GAS7: variants seen among roughly 807,000 people sequenced by gnomAD.
GAS7 encodes the protein growth arrest-specific protein 7.
Under a neutral mutation model 71.1 loss-of-function variants are expected in GAS7, and 28 were observed. The observed-to-expected ratio is 0.39, with a 90% CI of 0.29 to 0.54. GAS7 has a LOEUF of 0.54. Ranked by LOEUF, GAS7 falls within the 20% of genes least tolerant of loss-of-function variation. The pLI, the probability that GAS7 is intolerant of heterozygous loss-of-function variation, is 0.62. For synonymous variants in GAS7, 258 were observed against 245.8 expected (o/e 1.05, Z -0.46); for missense variants, 436 against 627.8 (o/e 0.69, Z 3.27).
At chr17:9,982,814 AG>A (rs1463162745) in intron 2 of GAS7, among the ~76,000 whole-genome samples, 2,200 of 53,758 alleles carry the variant, frequency 0.041, 68 homozygotes, top group African/African-American at 0.2. Flanking sequence ...AAGGAAAGAA[AG>A]GAAAGAAAGG....
chr17:10,060,256 C>G (rs1453254722), intron 1 of GAS7, among the ~76,000 whole-genome samples: 2 of 152,206 alleles, frequency 1.3e-5, no homozygotes, highest in East Asian at 3.8e-4. Flanking sequence ...AACGAAGAGT[C>G]GAGAGGCCAC....
chr17:9,939,380 G>A (rs918839555), intron 8 of GAS7, among the ~76,000 whole-genome samples: 8 of 152,138 alleles, frequency 5.3e-5, no homozygotes, highest in South Asian at 2.1e-4. Flanking sequence ...CAGCATTAGC[G>A]GGAAGGGAGC....
At chr17:10,125,722 A>C (rs2073940779) in intron 1 of GAS7, among the ~76,000 whole-genome samples, 1 of 151,480 alleles carries the variant, frequency 6.6e-6, no homozygotes, top group East Asian at 1.9e-4. Context: ...TGTGGGTGGG[A>C]GCCACTGGCC....
rs2072965450 is a variant in GAS7 at position 10,046,743 on chromosome 17, A to G, written c.184-26846T>C. 3.5e-5 allele frequency among the ~76,000 whole-genome samples: 5 copies of G among 141,522 alleles called. No homozygotes were observed. In the South Asian group the frequency reaches 1.1e-3, roughly 30 times the overall value. 92.8% of individuals were successfully genotyped at this position (141,522 alleles called of 152,430 possible). ...AGAGCAAGACTCTGTCTCAAAAAAA[A>G]AAAAAGAAAAGAAAAGAAAGAAAGA... On this transcript the variant is annotated intron_variant, in intron 1 of 13. Coordinates refer to ENST00000432992, the MANE Select transcript of GAS7 (RefSeq NM_201433.2).
At chr17:9,938,797 T>C (rs2068494169) in intron 8 of GAS7, among the ~76,000 whole-genome samples, 2 of 152,198 alleles carry the variant, frequency 1.3e-5, no homozygotes, top group Admixed American at 6.5e-5. Flanking sequence ...CCCCAGCCCC[T>C]GGCAAATGAC....
intron 2 of GAS7, among the ~76,000 whole-genome samples, chr17:10,015,722 T>A (rs1439761749): frequency 6.6e-6 from 1 of 152,180 alleles, no homozygotes; most frequent in East Asian, 1.9e-4. Context: ...AAATTATTAA[T>A]ATGATGTTCA....
intron 1 of GAS7, among the ~76,000 whole-genome samples, chr17:10,122,606 A>C (rs939873965): frequency 1.3e-5 from 2 of 152,200 alleles, no homozygotes; most frequent in South Asian, 4.1e-4. Context: ...GCCTACCCCC[A>C]CTTGTGGTGA....
chr17:9,943,291 G>A, intron 6 of GAS7, 55 bp from the exon 7 acceptor site: 1 of 1,024,872 alleles, frequency 9.8e-7, no homozygotes, highest in Non-Finnish European at 1.6e-6. Flanking sequence ...CTGGAGCCAG[G>A]GAGAATGGCG....
At position 10,158,155 on chromosome 17, in the gene GAS7, C is replaced by T. The variant is rs527599115; in HGVS notation, c.183+40053G>A. On this transcript the variant is annotated intron_variant, in intron 1 of 13. Coordinates refer to ENST00000432992, the MANE Select transcript of GAS7 (RefSeq NM_201433.2). ...CCTCCCTAGTAGCTGGGTCTACAGGCGTCCGCCACCACACCTGGCTAATTT... is the reference window on the plus strand; with the variant it reads ...CCTCCCTAGTAGCTGGGTCTACAGGTGTCCGCCACCACACCTGGCTAATTT... Among the ~76,000 whole-genome samples, 154 of 152,116 alleles carry T rather than the reference C, an allele frequency of 1.0e-3. 1 individual carries two copies. The highest frequency in any genetic ancestry group is 7.7e-4 in the African/African-American group (32 of 41,530).
At chr17:10,062,822 A>G (rs1218286984) in intron 1 of GAS7, among the ~76,000 whole-genome samples, 1 of 152,142 alleles carries the variant, frequency 6.6e-6, no homozygotes, top group Admixed American at 6.5e-5. Context: ...ATTAGCTGAC[A>G]CTAATTCCTA....
intron 1 of GAS7, among the ~76,000 whole-genome samples, chr17:10,161,925 G>C (rs995570905): frequency 6.6e-6 from 1 of 152,100 alleles, no homozygotes; most frequent in Non-Finnish European, 1.5e-5. Context: ...AAATTAGCCA[G>C]GCGTGGTGGC....
chr17:10,018,787 AG>A (rs1404770866), intron 2 of GAS7, among the ~76,000 whole-genome samples: 1 of 152,160 alleles, frequency 6.6e-6, no homozygotes, highest in Non-Finnish European at 1.5e-5. Flanking sequence ...CCAGGTGGGA[AG>A]GGGTGGTCAT....
chr17:10,143,016 CAAAAAAAAAA>C (rs58006119), intron 1 of GAS7, among the ~76,000 whole-genome samples: 4 of 140,216 alleles, frequency 2.9e-5, no homozygotes, highest in East Asian at 2.2e-4. Flanking sequence ...ACTAAAAATA[CAAAAAAAAAA>C]AAAAAATTAG....
chr17:10,076,145 G>A (rs1235467204), intron 1 of GAS7, among the ~76,000 whole-genome samples: 1 of 135,734 alleles, frequency 7.4e-6, no homozygotes, highest in African/African-American at 2.8e-5. Flanking sequence ...AACGAAGGGG[G>A]GGAATGGGAA....
In GAS7 at chr17:9,926,579, TCCC is replaced by T; in HGVS notation, c.1014+59_1014+61del. The T allele has an allele frequency of 6.4e-7, 1 of 1,568,576 alleles. No homozygotes were observed. Among genetic ancestry groups the T allele is most frequent in the African/African-American group, 1.3e-5 (1 of 74,080 alleles). On this transcript the variant is annotated intron_variant, in intron 10 of 13. Transcript: ENST00000432992. The surrounding 1 kb of genome is among the most constrained non-coding windows in gnomAD (Gnocchi z 5.0). Reference sequence around the variant, plus strand: ...TATGGAGCCACTGCTGGCTTCCCAGTCCCCCTTCTTCCAGGCAGTCCCCCATGC... The same window carrying T: ...TATGGAGCCACTGCTGGCTTCCCAGTCCTTCTTCCAGGCAGTCCCCCATGC...
intron 5 of GAS7, among the ~76,000 whole-genome samples, chr17:9,955,281 T>C (rs1172754431): frequency 2.6e-5 from 4 of 152,150 alleles, no homozygotes; most frequent in Non-Finnish European, 4.4e-5. Flanking sequence ...CCCGGTTACA[T>C]TTTCCTGATG....
At chr17:10,074,060 G>A (rs2152248174) in intron 1 of GAS7, among the ~76,000 whole-genome samples, 1 of 152,282 alleles carries the variant, frequency 6.6e-6, no homozygotes, top group South Asian at 2.1e-4. Flanking sequence ...TTACTTTCTG[G>A]AAGAGAGAAA....
At chr17:10,181,839 A>G (rs1597839951) in intron 1 of GAS7, among the ~76,000 whole-genome samples, 1 of 152,122 alleles carries the variant, frequency 6.6e-6, no homozygotes, top group South Asian at 2.1e-4. Context: ...GCCGGCCAAA[A>G]CCCACCAAAA....
At chr17:10,157,394 G>A (rs1255763242) in intron 1 of GAS7, among the ~76,000 whole-genome samples, 1 of 152,158 alleles carries the variant, frequency 6.6e-6, no homozygotes, top group African/African-American at 2.4e-5. Context: ...TGACGCCTAC[G>A]TGGGGAACTC....
Sources: allele counts gnomAD v4.1 joint callset (sites outside exome capture counted in the v4.1 genomes callset), GRCh38; gene constraint gnomAD v4.1.1; non-coding constraint Gnocchi (gnomAD v3.1); transcripts MANE v1.5; gene names NCBI Gene and HGNC (gene_info 2026-07-23, HGNC 2026-07-21).